The following BRINP1 variants were observed in gnomAD, a reference collection of about 807,000 sequenced individuals.
BRINP1 encodes BMP/retinoic acid-inducible neural-specific protein 1.
Under a neutral mutation model 72.9 loss-of-function variants are expected in BRINP1, and 17 were observed. The ratio of observed to expected loss-of-function variants is 0.23; its 90% confidence interval spans 0.16 to 0.35. The LOEUF (loss-of-function observed/expected upper bound fraction) is 0.35, where lower values mean the gene tolerates loss of function less well. BRINP1 is among the 10% of genes least tolerant of loss of function. The pLI is 1.00. For missense variants in BRINP1, 850 were observed against 1,001.6 expected (o/e 0.85, Z 2.04); for synonymous variants, 418 against 378.5 (o/e 1.10, Z -1.21).
intron 3 of BRINP1, among the ~76,000 whole-genome samples, chr9:119,246,441 G>A (rs1380011040): frequency 6.6e-6 from 1 of 152,194 alleles, no homozygotes; most frequent in African/African-American, 2.4e-5. Context: ...TCCTCTCCTT[G>A]AACATCGGAC....
At chr9:119,265,944 G>T (rs190752140) in intron 2 of BRINP1, among the ~76,000 whole-genome samples, 91 of 152,230 alleles carry the variant, frequency 6.0e-4, no homozygotes, top group African/African-American at 2.0e-3. Context: ...TCAACCAGTG[G>T]TTTTTAAGCT....
At chr9:119,314,311 T>C (rs1048674684) in intron 1 of BRINP1, among the ~76,000 whole-genome samples, 5 of 152,192 alleles carry the variant, frequency 3.3e-5, no homozygotes, top group African/African-American at 9.7e-5. Flanking sequence ...GTGGAGAGGA[T>C]AGACCAGAAA....
intron 5 of BRINP1, among the ~76,000 whole-genome samples, chr9:119,216,522 T>C (rs1229626606): frequency 1.3e-5 from 2 of 152,088 alleles, no homozygotes; most frequent in African/African-American, 2.4e-5. Flanking sequence ...TCTTTCAGAG[T>C]GTGCAATTCT....
chr9:119,245,386 C>T (rs572871292), intron 3 of BRINP1, among the ~76,000 whole-genome samples: 1 of 152,312 alleles, frequency 6.6e-6, no homozygotes, highest in Admixed American at 6.5e-5. Context: ...TACTTCCATG[C>T]ACGCATAGTC....
intron 6 of BRINP1, among the ~76,000 whole-genome samples, chr9:119,213,128 C>G (rs75214758): frequency 0.048 from 7,236 of 152,186 alleles, 562 homozygotes; most frequent in African/African-American, 0.16. Flanking sequence ...TAGTCAGATA[C>G]TTCCATTTCT....
intron 1 of BRINP1, among the ~76,000 whole-genome samples, chr9:119,325,671 G>A (rs559086985): frequency 1.3e-5 from 2 of 152,092 alleles, no homozygotes; most frequent in African/African-American, 4.8e-5. Flanking sequence ...CTTCATGTCT[G>A]TCTACCACCT....
intron 2 of BRINP1, among the ~76,000 whole-genome samples, chr9:119,288,374 A>G (rs1009640180): frequency 6.6e-6 from 1 of 152,136 alleles, no homozygotes; most frequent in African/African-American, 2.4e-5. Context: ...TATCCTAAAC[A>G]TAGGTTTATG....
chr9:119,308,459 A>G (rs1334921008), intron 2 of BRINP1, among the ~76,000 whole-genome samples: 1 of 152,218 alleles, frequency 6.6e-6, no homozygotes, highest in Non-Finnish European at 1.5e-5. Flanking sequence ...CTCCCCATGT[A>G]CAATATCTGG....
chr9:119,347,214 T>C (rs539125473), intron 1 of BRINP1, among the ~76,000 whole-genome samples: 1 of 152,274 alleles, frequency 6.6e-6, no homozygotes, highest in East Asian at 1.9e-4. Flanking sequence ...GCCCCTCCCT[T>C]TACTAGCTCC....
Position 119,229,482 on chromosome 9 carries a change from C to T in BRINP1, c.685+9173G>A, listed in dbSNP as rs185347707. Among the ~76,000 whole-genome samples, 77 of 152,134 alleles carry T rather than the reference C, an allele frequency of 5.1e-4. No homozygotes were observed. In the East Asian group the frequency reaches 0.013, roughly 26 times the overall value. ...AGTACTGGAACTAAGGTCCGTTTGA[C>T]TCCAGGGCCTTTTCTTGAAACCACT... On this transcript the variant is annotated intron_variant, in intron 5 of 7. Transcript: ENST00000265922.
At chr9:119,303,205 C>G (rs975934501) in intron 2 of BRINP1, among the ~76,000 whole-genome samples, 2 of 151,982 alleles carry the variant, frequency 1.3e-5, no homozygotes, top group African/African-American at 4.8e-5. Context: ...GGAAGCTGTA[C>G]CTTGCTGACT....
At chr9:119,252,879 C>G (rs529067281) in intron 2 of BRINP1, among the ~76,000 whole-genome samples, 12 of 152,328 alleles carry the variant, frequency 7.9e-5, no homozygotes, top group African/African-American at 2.9e-4. Flanking sequence ...ACAGCCATCA[C>G]AGTCTTTGAC....
intron 2 of BRINP1, among the ~76,000 whole-genome samples, chr9:119,300,869 T>C (rs1358968852): frequency 1.3e-5 from 2 of 152,200 alleles, no homozygotes; most frequent in African/African-American, 4.8e-5. Context: ...CCTTCTTTCT[T>C]AAAAGATTCA....
At chr9:119,273,996 A>G (rs969885652) in intron 2 of BRINP1, among the ~76,000 whole-genome samples, 6 of 152,342 alleles carry the variant, frequency 3.9e-5, no homozygotes, top group African/African-American at 1.4e-4. Context: ...GAAGCTGATT[A>G]TAAAAATACA....
Position 119,167,315 on chromosome 9 carries a change from C to G in BRINP1, c.2055G>C (p.Gln685His). Residue 685 changes from glutamine to histidine, a missense_variant, in exon 8 of 8, where the codon CAG (glutamine) becomes CAC (histidine). Gln to His is a conservative substitution (Grantham distance 24). Transcript: ENST00000265922. The surrounding 1 kb of genome is among the most constrained non-coding windows in gnomAD (Gnocchi z 4.3). ...QVNQSYTQGG[Q>H]FYSSSSVMLL... is the part of the protein sequence containing the mutation. ...GCATCACTGACGAAGAGGAATAGAACTGGCCGCCCTGTGTGTAGGACTGGT... is the reference window on the plus strand; with the variant it reads ...GCATCACTGACGAAGAGGAATAGAAGTGGCCGCCCTGTGTGTAGGACTGGT... 5.6e-6 allele frequency: 9 copies of G among 1,614,146 alleles called. No homozygotes were observed. The highest frequency in any genetic ancestry group is 7.6e-6 in the Non-Finnish European group (9 of 1,180,028).
intron 2 of BRINP1, among the ~76,000 whole-genome samples, chr9:119,299,581 C>T (rs933667967): frequency 1.4e-5 from 2 of 145,526 alleles, no homozygotes; most frequent in Non-Finnish European, 3.0e-5. Flanking sequence ...CCATTGCACT[C>T]GAGCATGGGT....
intron 2 of BRINP1, among the ~76,000 whole-genome samples, chr9:119,301,288 C>T (rs1035413406): frequency 6.6e-6 from 1 of 152,166 alleles, no homozygotes; most frequent in Admixed American, 6.5e-5. Context: ...CCTTACTTAA[C>T]CTAGACCCAG....
At chr9:119,230,881 T>G (rs1302210148) in intron 5 of BRINP1, among the ~76,000 whole-genome samples, 1 of 151,934 alleles carries the variant, frequency 6.6e-6, no homozygotes, top group Non-Finnish European at 1.5e-5. Flanking sequence ...TTAGTGGTCT[T>G]TGACCCCATC....
At chr9:119,246,190 A>T (rs1245262590) in intron 3 of BRINP1, among the ~76,000 whole-genome samples, 3 of 152,238 alleles carry the variant, frequency 2.0e-5, no homozygotes, top group African/African-American at 4.8e-5. Flanking sequence ...GATGGTTAAT[A>T]CTGAGTGTCA....
Sources: allele counts gnomAD v4.1 joint callset (sites outside exome capture counted in the v4.1 genomes callset), GRCh38; gene constraint gnomAD v4.1.1; non-coding constraint Gnocchi (gnomAD v3.1); transcripts MANE v1.5; gene names NCBI Gene and HGNC (gene_info 2026-07-23, HGNC 2026-07-21).